Variants in RBFOX1 observed in about 807,000 individuals in gnomAD.
RBFOX1 encodes RNA binding fox-1 homolog 1.
A neutral mutation model predicts 57.7 loss-of-function variants in RBFOX1; 8 were observed. The ratio of observed to expected loss-of-function variants is 0.14; its 90% confidence interval spans 0.08 to 0.25. RBFOX1 has a LOEUF of 0.25. Ranked by LOEUF, RBFOX1 falls within the 10% of genes least tolerant of loss-of-function variation. The pLI is 1.00. For synonymous variants in RBFOX1, 326 were observed against 222.4 expected (o/e 1.47, Z -4.15); for missense variants, 611 against 548.5 (o/e 1.11, Z -1.14).
chr16:5,697,936 C>A (rs903104091), intron 3 of RBFOX1, among the ~76,000 whole-genome samples: 1 of 152,106 alleles, frequency 6.6e-6, no homozygotes, highest in Non-Finnish European at 1.5e-5. Flanking sequence ...TTGCTAAAGG[C>A]TTTTATAATG....
At chr16:6,472,418 T>C (rs1226466898) in intron 2 of RBFOX1, among the ~76,000 whole-genome samples, 1 of 152,154 alleles carries the variant, frequency 6.6e-6, no homozygotes, top group Non-Finnish European at 1.5e-5. Flanking sequence ...GCATGTGAGA[T>C]GTTGACCCTA....
upstream of RBFOX1, among the ~76,000 whole-genome samples, chr16:6,016,927 G>A (rs1165943728): frequency 6.6e-6 from 1 of 152,068 alleles, no homozygotes; most frequent in Non-Finnish European, 1.5e-5. Flanking sequence ...GTTTTAAATT[G>A]TAATGGATGC....
chr16:6,404,509 T>C (rs76954654), intron 2 of RBFOX1, among the ~76,000 whole-genome samples: 1,572 of 152,326 alleles, frequency 0.01, 16 homozygotes, highest in Middle Eastern at 0.017. Context: ...AGTTGTATAC[T>C]ACAAATGGAG....
intron 3 of RBFOX1, among the ~76,000 whole-genome samples, chr16:6,929,976 A>C (rs953363808): frequency 6.6e-6 from 1 of 152,132 alleles, no homozygotes; most frequent in Non-Finnish European, 1.5e-5. Context: ...TGACTGGCAA[A>C]CCTGTCCAGG....
chr16:7,603,299 C>G (rs1409412101), intron 9 of RBFOX1, among the ~76,000 whole-genome samples: 2 of 151,984 alleles, frequency 1.3e-5, no homozygotes, highest in East Asian at 1.9e-4. Context: ...AGAGAAAAAC[C>G]AAGTAAATAT....
chr16:6,229,547 G>C (rs752405322), intron 1 of RBFOX1, among the ~76,000 whole-genome samples: 5 of 152,154 alleles, frequency 3.3e-5, no homozygotes, highest in Non-Finnish European at 7.4e-5. Flanking sequence ...CTCATAAAAA[G>C]AGATAAATTG....
intron 4 of RBFOX1, among the ~76,000 whole-genome samples, chr16:7,109,345 G>A (rs1287530617): frequency 6.6e-6 from 1 of 152,078 alleles, no homozygotes; most frequent in Non-Finnish European, 1.5e-5. Context: ...ACAAATCCCT[G>A]CAACCAAACC....
chr16:5,838,140 A>C (rs1008840909), intron 3 of RBFOX1: 1 of 154,914 alleles, frequency 6.5e-6, no homozygotes, highest in Non-Finnish European at 1.5e-5. Flanking sequence ...TATTGAAAGA[A>C]TACAACACCA....
chr16:5,910,070 CA>C (rs371705046), intron 4 of RBFOX1, among the ~76,000 whole-genome samples: 12 of 142,484 alleles, frequency 8.4e-5, no homozygotes, highest in East Asian at 2.0e-4. Flanking sequence ...AAACAAAAAA[CA>C]AAAAAAAAAG....
Position 5,554,333 on chromosome 16 carries a change from C to T in RBFOX1, c.259-44569C>T, listed in dbSNP as rs191271989. Among the ~76,000 whole-genome samples, 469 of 151,490 alleles carry T rather than the reference C, an allele frequency of 3.1e-3. 1 individual carries two copies. Among genetic ancestry groups the T allele is most frequent in the Non-Finnish European group, 3.9e-3 (266 of 67,880 alleles). On this transcript the variant is annotated intron_variant, in intron 2 of 2. Coordinates refer to the RBFOX1 transcript ENST00000585867. ...GCATAAAACCTAAAATAATTATATG[C>T]GAAAGTTATAAAACTGGTGTATATT...
chr16:6,027,278 A>G (rs970273353), intron 1 of RBFOX1, among the ~76,000 whole-genome samples: 4 of 152,178 alleles, frequency 2.6e-5, no homozygotes, highest in Admixed American at 2.6e-4. Context: ...TTGACAGATG[A>G]AGGAACTGAG....
chr16:7,232,893 G>T (rs924437963), intron 4 of RBFOX1, among the ~76,000 whole-genome samples: 7 of 145,568 alleles, frequency 4.8e-5, no homozygotes, highest in Non-Finnish European at 1.1e-4. Context: ...CAGAAACAAA[G>T]AACTTACCTA....
chr16:5,267,125 G>A (rs1478902302), intron 1 of RBFOX1, among the ~76,000 whole-genome samples: 3 of 151,880 alleles, frequency 2.0e-5, no homozygotes, highest in Non-Finnish European at 4.4e-5. Flanking sequence ...TTACATGGAA[G>A]GATGAAGCCT....
intron 3 of RBFOX1, among the ~76,000 whole-genome samples, chr16:6,665,412 G>C (rs1431097810): frequency 6.6e-6 from 1 of 152,154 alleles, no homozygotes; most frequent in Non-Finnish European, 1.5e-5. Context: ...TCAAGAGTTG[G>C]AGACCAGCCA....
At chr16:7,058,983 G>A (rs956932363) in intron 4 of RBFOX1, among the ~76,000 whole-genome samples, 2 of 152,192 alleles carry the variant, frequency 1.3e-5, no homozygotes, top group Non-Finnish European at 2.9e-5. Context: ...TGTGAAAGAG[G>A]TTGTAGAGCA....
intron 5 of RBFOX1, among the ~76,000 whole-genome samples, chr16:7,535,231 T>C (rs182868097): frequency 1.8e-3 from 279 of 152,254 alleles, no homozygotes; most frequent in African/African-American, 6.4e-3. Context: ...CCTTATGAAA[T>C]TGCATTTCCC....
intron 3 of RBFOX1, among the ~76,000 whole-genome samples, chr16:6,832,142 C>G (rs4786124): frequency 0.52 from 78,630 of 152,002 alleles, 21,812 homozygotes; most frequent in East Asian, 0.79. Flanking sequence ...TCAAAGCCTG[C>G]GATTCAACTT....
In RBFOX1 at chr16:5,314,512, C is replaced by CT. The variant is rs564272222; in HGVS notation, c.219+74413dup. Among the ~76,000 whole-genome samples, 104 of 152,124 alleles carry CT rather than the reference C, an allele frequency of 6.8e-4. No individual in the cohort carries two copies. In the East Asian group the frequency reaches 9.1e-3, roughly 13 times the overall value. On this transcript the variant is annotated intron_variant, in intron 1 of 2. Coordinates refer to the RBFOX1 transcript ENST00000585867. ...CATTTCTTTTATTTACTCATTTTTT[C>CT]TTTTTTGAGACTGGATCTCACTCTG...
intron 4 of RBFOX1, among the ~76,000 whole-genome samples, chr16:7,335,638 C>G (rs188463976): frequency 1.1e-3 from 164 of 150,444 alleles, no homozygotes; most frequent in Non-Finnish European, 4.1e-4. Flanking sequence ...ATTTGGTGTG[C>G]CAGACTTTAA....
Sources: allele counts gnomAD v4.1 joint callset (sites outside exome capture counted in the v4.1 genomes callset), GRCh38; gene constraint gnomAD v4.1.1; transcripts MANE v1.5; gene names NCBI Gene and HGNC (gene_info 2026-07-23, HGNC 2026-07-21).